SSU72L6: variants seen among roughly 807,000 people sequenced by gnomAD.
SSU72L6 encodes RNA polymerase II subunit A C-terminal domain phosphatase SSU72 like protein 6.
the SSU72L6 span, chr7:124,476,681 T>G: frequency 1.3e-6 from 1 of 780,580 alleles, no homozygotes; most frequent in African/African-American, 1.7e-5. Context: ...TGCACTGAAT[T>G]CTTTGATGTC....
At chr7:124,476,958 A>T in the SSU72L6 span, 1 of 743,250 alleles carries the variant, frequency 1.3e-6, no homozygotes, top group Non-Finnish European at 2.5e-6. Context: ...TCTACTGAAG[A>T]TCTGGGCTGG....
chr7:124,476,353 T>C, the SSU72L6 span: 66 of 762,186 alleles, frequency 8.7e-5, no homozygotes, highest in East Asian at 1.5e-3. Flanking sequence ...GTCTCTCTTG[T>C]TCCCAGTGGC....
At chr7:124,476,651 G>C in the SSU72L6 span, 1 of 780,664 alleles carries the variant, frequency 1.3e-6, no homozygotes, top group Non-Finnish European at 2.4e-6. Context: ...ATCAAGCCTG[G>C]CCCAGAAAGA....
the SSU72L6 span, chr7:124,476,451 G>T: frequency 2.6e-6 from 2 of 780,320 alleles, no homozygotes; most frequent in Non-Finnish European, 2.4e-6. Flanking sequence ...GCATCCTCAG[G>T]AGAAAAGGGC....
chr7:124,476,699 C>G, the SSU72L6 span: 2 of 780,668 alleles, frequency 2.6e-6, no homozygotes, highest in Non-Finnish European at 2.4e-6. Flanking sequence ...GTCATCTTTA[C>G]CTGTGAGGAG....
At chr7:124,476,713 G>A in the SSU72L6 span, 1 of 780,680 alleles carries the variant, frequency 1.3e-6, no homozygotes, top group Admixed American at 1.7e-5. Context: ...TGAGGAGCGT[G>A]TCTATGACAC....
At chr7:124,476,858 A>G in the SSU72L6 span, 1 of 767,164 alleles carries the variant, frequency 1.3e-6, no homozygotes, top group Admixed American at 1.7e-5. Flanking sequence ...CAGTGCCTGC[A>G]GCAGTCCGAC....
chr7:124,476,555 A>G, the SSU72L6 span: 6 of 780,602 alleles, frequency 7.7e-6, no homozygotes, highest in Non-Finnish European at 1.4e-5. Flanking sequence ...ACAACATATA[A>G]GGAGATGTAC....
At chr7:124,476,631 A>C in the SSU72L6 span, 12 of 780,736 alleles carry the variant, frequency 1.5e-5, no homozygotes, top group Middle Eastern at 2.3e-4. Context: ...TCTTGGGAAG[A>C]AATGAGAGAA....
At chr7:124,476,712 T>TC in the SSU72L6 span, 7 of 780,558 alleles carry the variant, frequency 9.0e-6, no homozygotes, top group Non-Finnish European at 9.6e-6. Context: ...GTGAGGAGCG[T>TC]GTCTATGACA....
the SSU72L6 span, chr7:124,476,435 C>T: frequency 1.3e-6 from 1 of 779,924 alleles, no homozygotes; most frequent in Non-Finnish European, 2.4e-6. Context: ...AGCATGGAGG[C>T]CCACAGCATC....
chr7:124,476,886 G>A, the SSU72L6 span: 2 of 765,052 alleles, frequency 2.6e-6, no homozygotes, highest in South Asian at 2.7e-5. Flanking sequence ...AAGACAGTCT[G>A]GAGGAGCTGC....
chr7:124,476,946 C>T, the SSU72L6 span: 1 of 753,004 alleles, frequency 1.3e-6, no homozygotes, highest in Non-Finnish European at 2.4e-6. Context: ...ACACCGTCTG[C>T]TTCTACTGAA....
the SSU72L6 span, chr7:124,476,491 CAT>C: frequency 1.3e-6 from 1 of 780,678 alleles, no homozygotes; most frequent in East Asian, 2.4e-5. Context: ...AACTGAATCT[CAT>C]GTGAGGCTAC....
the SSU72L6 span, chr7:124,476,528 T>C: frequency 1.3e-6 from 1 of 780,646 alleles, no homozygotes; most frequent in Non-Finnish European, 2.4e-6. Context: ...AATCATCCTG[T>C]AGTTTACGAT....
chr7:124,476,666 A>C, the SSU72L6 span: 6 of 780,634 alleles, frequency 7.7e-6, no homozygotes, highest in Non-Finnish European at 1.2e-5. Flanking sequence ...GAAAGATTTC[A>C]GGAATGCACT....
At chr7:124,476,426 G>A in the SSU72L6 span, 4 of 779,746 alleles carry the variant, frequency 5.1e-6, no homozygotes, top group East Asian at 9.7e-5. Context: ...ATCAACAGGA[G>A]CATGGAGGCC....
the SSU72L6 span, chr7:124,476,479 G>C: frequency 3.8e-6 from 3 of 780,614 alleles, no homozygotes; most frequent in African/African-American, 3.4e-5. Context: ...CCGGTCTTTC[G>C]GAACTGAATC....
At chr7:124,476,776 G>C in the SSU72L6 span, 1 of 780,054 alleles carries the variant, frequency 1.3e-6, no homozygotes, top group South Asian at 1.3e-5. Flanking sequence ...GCCTGTGCAC[G>C]TGATCAACAT....
Sources: allele counts gnomAD v4.1 joint callset, GRCh38; gene constraint gnomAD v4.1.1; transcripts MANE v1.5; gene names NCBI Gene and HGNC (gene_info 2026-07-23, HGNC 2026-07-21).